The following FNDC3B variants were observed in gnomAD, a reference collection of about 807,000 sequenced individuals.
The protein encoded by FNDC3B is fibronectin type III domain containing 3B, also known as fibronectin type III domain-containing protein 3B.
Under a neutral mutation model 151.5 loss-of-function variants are expected in FNDC3B, and 12 were observed. The observed-to-expected ratio is 0.08, with a 90% CI of 0.05 to 0.13. The LOEUF is 0.13. Among genes scored for constraint, FNDC3B ranks in the 10% least tolerant of loss-of-function variants. The probability of loss-of-function intolerance (pLI) is 1.00; values close to 1 mark genes in which losing one functional copy is unlikely to be tolerated. For synonymous variants in FNDC3B, 528 were observed against 549.0 expected (o/e 0.96, Z 0.54); for missense variants, 1,214 against 1,505.3 (o/e 0.81, Z 3.20).
chr3:172,309,636 G>A (rs1378734724), intron 10 of FNDC3B, among the ~76,000 whole-genome samples: 3 of 152,158 alleles, frequency 2.0e-5, no homozygotes, highest in Non-Finnish European at 2.9e-5. Flanking sequence ...TGACTCTAAA[G>A]AGAGAAGGAA....
At chr3:172,134,103 C>G (rs1051990292) in intron 3 of FNDC3B, among the ~76,000 whole-genome samples, 4 of 152,158 alleles carry the variant, frequency 2.6e-5, no homozygotes, top group African/African-American at 7.2e-5. Flanking sequence ...CAAAATGCCC[C>G]GTCCCAAGAT....
chr3:172,283,900 T>TCCCAA (rs1478533973), intron 6 of FNDC3B, among the ~76,000 whole-genome samples: 1 of 152,158 alleles, frequency 6.6e-6, no homozygotes, highest in Non-Finnish European at 1.5e-5. Flanking sequence ...ATTGGGTCTT[T>TCCCAA]TGAATGTGGG....
At chr3:172,157,105 A>T (rs1273587223) in intron 3 of FNDC3B, among the ~76,000 whole-genome samples, 1 of 152,186 alleles carries the variant, frequency 6.6e-6, no homozygotes, top group Admixed American at 6.5e-5. Flanking sequence ...GGTCCCATTT[A>T]TCTGAGATGA....
rs192187356 is a variant in FNDC3B, at chr3:172,268,700, A to T, written c.790+17159A>T. Among the ~76,000 whole-genome samples, 7 of 152,322 alleles carry T rather than the reference A, an allele frequency of 4.6e-5. No homozygotes were observed. The East Asian group carries it at 1.4e-3, about 29-fold the overall frequency. On this transcript the variant is annotated intron_variant, in intron 6 of 25. Transcript: ENST00000415807. ...ATAGAGGAGAGGCAAAGCTGAGGGG[A>T]GATCACATTATGTTACCTCTCTGGA...
At chr3:172,319,978 G>A (rs1732000749) in intron 11 of FNDC3B, among the ~76,000 whole-genome samples, 1 of 152,168 alleles carries the variant, frequency 6.6e-6, no homozygotes, top group Non-Finnish European at 1.5e-5. Flanking sequence ...AGCAGCCATG[G>A]GCCACAAGCA....
At chr3:172,271,101 T>C (rs1002256151) in intron 6 of FNDC3B, among the ~76,000 whole-genome samples, 2 of 152,248 alleles carry the variant, frequency 1.3e-5, no homozygotes, top group Non-Finnish European at 1.5e-5. Context: ...CATTTTTGTT[T>C]AGTAAGAACG....
chr3:172,316,007 T>A, intron 11 of FNDC3B, among the ~76,000 whole-genome samples: 1 of 126,010 alleles, frequency 7.9e-6, no homozygotes, highest in Admixed American at 7.3e-5. Flanking sequence ...CTTCTTTTTT[T>A]TTTTTTTTTT....
intron 3 of FNDC3B, among the ~76,000 whole-genome samples, chr3:172,191,642 G>A (rs775207618): frequency 1.3e-5 from 2 of 152,076 alleles, no homozygotes; most frequent in African/African-American, 4.8e-5. Flanking sequence ...GACTACAGGT[G>A]CATGCCACCA....
At chr3:172,197,876 C>G (rs375283428) in intron 3 of FNDC3B, among the ~76,000 whole-genome samples, 273 of 152,248 alleles carry the variant, frequency 1.8e-3, no homozygotes, top group Middle Eastern at 6.8e-3. Flanking sequence ...TAAGATGGTA[C>G]CTGCCAGTCT....
chr3:172,235,889 T>A (rs1446783918), intron 4 of FNDC3B, among the ~76,000 whole-genome samples: 1 of 152,224 alleles, frequency 6.6e-6, no homozygotes, highest in Non-Finnish European at 1.5e-5. Context: ...TGTGTTTCCA[T>A]GGACCTGAGT....
At chr3:172,061,629 T>C (rs1220624473) in intron 1 of FNDC3B, among the ~76,000 whole-genome samples, 1 of 152,186 alleles carries the variant, frequency 6.6e-6, no homozygotes, top group African/African-American at 2.4e-5. Context: ...GTACAATCTG[T>C]GGGGGAAGAA....
At chr3:172,224,178 A>G (rs1055957078) in intron 3 of FNDC3B, among the ~76,000 whole-genome samples, 7 of 152,254 alleles carry the variant, frequency 4.6e-5, no homozygotes, top group African/African-American at 1.7e-4. Context: ...TAATGAGTCA[A>G]TTCAAATACA....
At chr3:172,085,396 A>G (rs1718498647) in intron 1 of FNDC3B, among the ~76,000 whole-genome samples, 1 of 152,196 alleles carries the variant, frequency 6.6e-6, no homozygotes, top group African/African-American at 2.4e-5. Flanking sequence ...GAAGGTCTTG[A>G]ACTAAATAGC....
At chr3:172,125,876 TTC>T (rs1353231541) in intron 2 of FNDC3B, among the ~76,000 whole-genome samples, 1 of 152,166 alleles carries the variant, frequency 6.6e-6, no homozygotes, top group Non-Finnish European at 1.5e-5. Context: ...GTTCCTCGTT[TTC>T]TTTGTTTTAG....
At chr3:172,320,789 A>G (rs9849109) in intron 11 of FNDC3B, among the ~76,000 whole-genome samples, 9,942 of 152,220 alleles carry the variant, frequency 0.065, 1,123 homozygotes, top group African/African-American at 0.23. Context: ...GTATAGAATG[A>G]GCCATGAGTT....
At chr3:172,107,552 C>A (rs1031684650) in intron 1 of FNDC3B, among the ~76,000 whole-genome samples, 8 of 152,160 alleles carry the variant, frequency 5.3e-5, no homozygotes, top group African/African-American at 1.9e-4. Context: ...AGATACACAT[C>A]TGTCTAGGAA....
At chr3:172,242,885 C>A (rs774880679) in intron 4 of FNDC3B, among the ~76,000 whole-genome samples, 1 of 152,134 alleles carries the variant, frequency 6.6e-6, no homozygotes, top group Non-Finnish European at 1.5e-5. Context: ...TTTTATGCTC[C>A]GCTTCCCTTA....
At position 172,094,523 on chromosome 3, in the gene FNDC3B, A is replaced by G. The variant is rs980863835; in HGVS notation, c.-28-17929A>G. 8.5e-5 allele frequency among the ~76,000 whole-genome samples: 13 copies of G among 152,210 alleles called. 1 individual carries two copies. The highest frequency in any genetic ancestry group is 1.0e-4 in the Non-Finnish European group (7 of 68,040). ...AGGAATGTATCCATAAAATGGATAC[A>G]TTTAAGCTATGCGTCCATAAAATGG... On this transcript the variant is annotated intron_variant, in intron 1 of 25. Transcript: ENST00000415807.
intron 1 of FNDC3B, among the ~76,000 whole-genome samples, chr3:172,062,337 A>T (rs1576828050): frequency 7.1e-6 from 1 of 140,160 alleles, no homozygotes. Flanking sequence ...TTTGAGATGG[A>T]GTCTCTCTCC....
Sources: gnomAD v4.1 joint callset for allele counts (sites outside exome capture counted in the v4.1 genomes callset) on GRCh38, gnomAD v4.1.1 for gene constraint, MANE v1.5 for transcripts, NCBI Gene and HGNC (gene_info 2026-07-23, HGNC 2026-07-21) for gene names.